The following KCNT2 variants were observed in gnomAD, a reference collection of about 807,000 sequenced individuals.
The protein encoded by KCNT2 is potassium sodium-activated channel subfamily T member 2.
A neutral mutation model predicts 153.8 loss-of-function variants in KCNT2; 67 were observed. The observed-to-expected ratio is 0.44, with a 90% CI of 0.36 to 0.53. The LOEUF (loss-of-function observed/expected upper bound fraction) is 0.53, where lower values mean the gene tolerates loss of function less well. KCNT2 is among the 20% of genes least tolerant of loss of function. The pLI is 0.00. For missense variants in KCNT2, 975 were observed against 1,354.8 expected (o/e 0.72, Z 4.40); for synonymous variants, 500 against 458.8 (o/e 1.09, Z -1.15).
intron 1 of KCNT2, among the ~76,000 whole-genome samples, chr1:196,607,384 T>A (rs1249904304): frequency 1.3e-5 from 2 of 152,378 alleles, no homozygotes; most frequent in East Asian, 3.9e-4. Context: ...CAAAATGTGC[T>A]TGAGACAGAA....
chr1:196,314,650 G>T (rs953090264), intron 21 of KCNT2, among the ~76,000 whole-genome samples: 1 of 151,474 alleles, frequency 6.6e-6, no homozygotes, highest in Non-Finnish European at 1.5e-5. Flanking sequence ...CTGCAAGGTC[G>T]GTTATTTTCT....
chr1:196,490,574 T>C (rs976104766), intron 2 of KCNT2, among the ~76,000 whole-genome samples: 3 of 150,336 alleles, frequency 2.0e-5, no homozygotes, highest in African/African-American at 7.3e-5. Flanking sequence ...TTCTCTCACA[T>C]ACACACACAT....
chr1:196,452,574 T>C (rs1676314057), intron 8 of KCNT2, among the ~76,000 whole-genome samples: 1 of 151,978 alleles, frequency 6.6e-6, no homozygotes, highest in Admixed American at 6.6e-5. Flanking sequence ...GGAAACTATG[T>C]CTGCAAACTG....
chr1:196,382,786 A>G (rs181187295), intron 13 of KCNT2, among the ~76,000 whole-genome samples: 2 of 152,290 alleles, frequency 1.3e-5, no homozygotes, highest in East Asian at 3.9e-4. Context: ...AGTAATTACA[A>G]GAGCAAGAGA....
At chr1:196,439,182 C>T (rs1309644542) in intron 8 of KCNT2, among the ~76,000 whole-genome samples, 1 of 151,830 alleles carries the variant, frequency 6.6e-6, no homozygotes, top group East Asian at 1.9e-4. Context: ...TGAATGTCCA[C>T]TTTGGTTAAT....
chr1:196,540,690 C>T (rs1483735864), intron 1 of KCNT2, among the ~76,000 whole-genome samples: 2 of 152,136 alleles, frequency 1.3e-5, no homozygotes, highest in African/African-American at 2.4e-5. Flanking sequence ...AATTATATCC[C>T]AACTCTCAGC....
chr1:196,467,436 T>C (rs1677718757), intron 7 of KCNT2, among the ~76,000 whole-genome samples: 1 of 152,038 alleles, frequency 6.6e-6, no homozygotes, highest in Non-Finnish European at 1.5e-5. Context: ...TAACAGTATT[T>C]TACCACAATG....
intron 27 of KCNT2, among the ~76,000 whole-genome samples, 169 bp downstream of exon 27, chr1:196,235,817 A>G (rs765412124): frequency 6.6e-6 from 1 of 151,454 alleles, no homozygotes; most frequent in Non-Finnish European, 1.5e-5. Flanking sequence ...TCATATTTTT[A>G]TATTGCACAC....
rs118059495 is a variant in KCNT2 at position 196,608,023 on chromosome 1, C to G, written c.95+192G>C. On this transcript the variant is annotated intron_variant, in intron 1 of 27. Transcript: ENST00000294725. ...AAGAAAAGTGTAAAGAAAAAGAGTT[C>G]CTTATCTATAGCAACAGTTATATAG... Among the ~76,000 whole-genome samples the G allele has an allele frequency of 3.5e-3, 529 of 152,222 alleles. 3 individuals are homozygous for G. Among genetic ancestry groups the G allele is most frequent in the East Asian group, 0.016 (81 of 5,154 alleles).
chr1:196,364,542 G>T (rs761035356), intron 14 of KCNT2, among the ~76,000 whole-genome samples: 10 of 152,084 alleles, frequency 6.6e-5, no homozygotes, highest in African/African-American at 2.4e-5. Flanking sequence ...TCTCTCTGGT[G>T]AAATAGTTTT....
intron 1 of KCNT2, among the ~76,000 whole-genome samples, chr1:196,575,770 G>A (rs1236142033): frequency 6.6e-6 from 1 of 151,756 alleles, no homozygotes; most frequent in Non-Finnish European, 1.5e-5. Context: ...CTGAGGTCAG[G>A]AATTCCAGAC....
intron 14 of KCNT2, among the ~76,000 whole-genome samples, 196 bp from the exon 15 acceptor site, chr1:196,342,424 A>ATATATATATATATATATATG (rs1553292523): frequency 0.013 from 358 of 27,738 alleles, 4 homozygotes; most frequent in South Asian, 0.094. Flanking sequence ...TGAATACTAT[A>ATATATATATATATATATATG]TATATATATA....
intron 12 of KCNT2, among the ~76,000 whole-genome samples, chr1:196,399,436 A>C (rs767267563): frequency 2.2e-4 from 34 of 151,938 alleles, no homozygotes; most frequent in South Asian, 4.1e-4. Context: ...AAACTTAAAC[A>C]AAGTTAAGAA....
intron 8 of KCNT2, among the ~76,000 whole-genome samples, chr1:196,441,069 C>T (rs993636591): frequency 3.3e-5 from 5 of 151,734 alleles, no homozygotes; most frequent in Admixed American, 6.6e-5. Flanking sequence ...AAATGTGGCT[C>T]ACCAAATTGA....
chr1:196,510,059 A>G (rs944120001), intron 1 of KCNT2, among the ~76,000 whole-genome samples: 1 of 152,158 alleles, frequency 6.6e-6, no homozygotes, highest in Non-Finnish European at 1.5e-5. Flanking sequence ...AGCAACAGCA[A>G]GAATAAAGAG....
At chr1:196,475,880 G>A (rs1678489982) in intron 5 of KCNT2, among the ~76,000 whole-genome samples, 2 of 152,112 alleles carry the variant, frequency 1.3e-5, no homozygotes, top group Admixed American at 1.3e-4. Context: ...GGACTTAACT[G>A]CTGTCTACAT....
intron 10 of KCNT2, among the ~76,000 whole-genome samples, chr1:196,426,917 G>C (rs149487435): frequency 1.3e-5 from 2 of 151,910 alleles, no homozygotes; most frequent in South Asian, 4.2e-4. Context: ...CTTCCCTTTC[G>C]CATTACACGT....
intron 12 of KCNT2, among the ~76,000 whole-genome samples, chr1:196,418,426 A>G (rs1672924180): frequency 6.6e-6 from 1 of 152,144 alleles, no homozygotes; most frequent in African/African-American, 2.4e-5. Context: ...AGATTGTGTC[A>G]TTCAACTCCA....
chr1:196,565,062 A>G (rs566282748), intron 1 of KCNT2, among the ~76,000 whole-genome samples: 53 of 151,762 alleles, frequency 3.5e-4, no homozygotes, highest in Admixed American at 3.9e-4. Flanking sequence ...TTTGCAAACC[A>G]TATATCTGAT....
Sources: allele counts gnomAD v4.1 joint callset (sites outside exome capture counted in the v4.1 genomes callset), GRCh38; gene constraint gnomAD v4.1.1; transcripts MANE v1.5; gene names NCBI Gene and HGNC (gene_info 2026-07-23, HGNC 2026-07-21).